The following IGFBP7 variants were observed in gnomAD, a reference collection of about 807,000 sequenced individuals.
The protein encoded by IGFBP7 is insulin like growth factor binding protein 7, also known as insulin-like growth factor-binding protein 7.
In IGFBP7, 31 loss-of-function variants were observed where a neutral mutation model predicts 29.4. The observed-to-expected ratio is 1.05, with a 90% CI of 0.79 to 1.42. The LOEUF is 1.42. Among genes scored for constraint, IGFBP7 ranks in the 40% most tolerant of loss-of-function variants. The probability of loss-of-function intolerance (pLI) is 0.00; values close to 1 mark genes in which losing one functional copy is unlikely to be tolerated. For synonymous variants in IGFBP7, 172 were observed against 174.9 expected, an observed-to-expected ratio of 0.98 and a Z score of 0.13; for missense variants, 393 against 395.5, an observed-to-expected ratio of 0.99 and a Z score of 0.05.
At chr4:57,060,260 C>T (rs1413340406) in intron 1 of IGFBP7, among the ~76,000 whole-genome samples, 1 of 152,156 alleles carries the variant, frequency 6.6e-6, no homozygotes, top group African/African-American at 2.4e-5. Context: ...TGCAGACAGA[C>T]TGGGAAAGGA....
In IGFBP7 at chr4:57,031,272, T is replaced by C; in HGVS notation, c.*45A>G. 1 of 1,525,240 alleles carries C rather than the reference T, an allele frequency of 6.6e-7. No individual in the cohort carries two copies. Among genetic ancestry groups the C allele is most frequent in the Non-Finnish European group, 9.1e-7 (1 of 1,100,946 alleles). The allele number at this position is 1,525,240 out of a possible 1,614,324, so 94.5% of individuals were successfully genotyped here. On this transcript the variant is annotated 3_prime_UTR_variant, in exon 5 of 5. Coordinates refer to ENST00000295666, the MANE Select transcript of IGFBP7 (RefSeq NM_001553.3). The stretch of plus-strand genomic sequence containing the variant: ...TAGGCAAGAACAGGTAATGTAGTTA[T>C]CCATGACTACTTTTAACCATGCAGA...
Position 57,033,392 on chromosome 4 carries a change from A to G in IGFBP7, c.586-81T>C, listed in dbSNP as rs972876879. The G allele has an allele frequency of 6.7e-5, 59 of 881,932 alleles. 1 individual carries two copies. The Middle Eastern group carries it at 9.0e-4, about 13-fold the overall frequency. The allele number at this position is 881,932 out of a possible 1,614,324, so 54.6% of individuals were successfully genotyped here. On this transcript the variant is annotated intron_variant, in intron 2 of 4. Coordinates refer to ENST00000295666, the MANE Select transcript of IGFBP7 (RefSeq NM_001553.3). ...GAAGTGGCCACATCCCTACAATTGC[A>G]CATAGTGTATGTCAGACTTTCTAAC...
At chr4:57,070,815 C>T (rs1290094304) in intron 1 of IGFBP7, among the ~76,000 whole-genome samples, 1 of 152,228 alleles carries the variant, frequency 6.6e-6, no homozygotes, top group South Asian at 2.1e-4. Context: ...ATGTTCAGTG[C>T]ATTTTTCTAC....
intron 1 of IGFBP7, among the ~76,000 whole-genome samples, chr4:57,080,299 A>G (rs1725334840): frequency 6.6e-6 from 1 of 152,228 alleles, no homozygotes; most frequent in African/African-American, 2.4e-5. Flanking sequence ...TTAAAATGAG[A>G]TAATTTCTCT....
At chr4:57,039,057 C>A (rs1724154782) in intron 2 of IGFBP7, among the ~76,000 whole-genome samples, 1 of 92,280 alleles carries the variant, frequency 1.1e-5, no homozygotes, top group Non-Finnish European at 1.9e-5. Flanking sequence ...AAGAGTGAAA[C>A]TATGTCTCAA....
chr4:57,054,628 G>A (rs1218711596), intron 1 of IGFBP7, among the ~76,000 whole-genome samples: 1 of 113,274 alleles, frequency 8.8e-6, no homozygotes, highest in Non-Finnish European at 1.7e-5. Flanking sequence ...ACAGAGCGAG[G>A]CTCTCTCTCA....
At chr4:57,075,308 G>A (rs1230557557) in intron 1 of IGFBP7, among the ~76,000 whole-genome samples, 1 of 152,160 alleles carries the variant, frequency 6.6e-6, no homozygotes, top group Non-Finnish European at 1.5e-5. Context: ...GGACTCAGGA[G>A]ATCCCATAGA....
intron 1 of IGFBP7, among the ~76,000 whole-genome samples, chr4:57,103,230 T>C (rs534117084): frequency 6.6e-6 from 1 of 152,232 alleles, no homozygotes; most frequent in South Asian, 2.1e-4. Context: ...TCTCACCCCC[T>C]TCCAATCCAT....
intron 1 of IGFBP7, among the ~76,000 whole-genome samples, chr4:57,087,007 C>G (rs1241056462): frequency 6.6e-6 from 1 of 152,096 alleles, no homozygotes; most frequent in Non-Finnish European, 1.5e-5. Flanking sequence ...GTGCTGGGAC[C>G]ACAGGCGTGA....
chr4:57,072,102 A>G (rs1221787563), intron 1 of IGFBP7, among the ~76,000 whole-genome samples: 1 of 152,016 alleles, frequency 6.6e-6, no homozygotes, highest in African/African-American at 2.4e-5. Context: ...CCCAGGTATT[A>G]AGCTCAGTAC....
chr4:57,077,330 T>C (rs1725253247), intron 1 of IGFBP7, among the ~76,000 whole-genome samples: 1 of 152,160 alleles, frequency 6.6e-6, no homozygotes, highest in Non-Finnish European at 1.5e-5. Context: ...CAGGCTGGGA[T>C]GTAGTGATGT....
chr4:57,033,331 G>A lies in IGFBP7; in HGVS notation c.586-20C>T. The stretch of plus-strand genomic sequence containing the variant: ...TTTTACCTGCAAAAACAAAAGGAGA[G>A]TAATACTGAGTTTTGTACACCAGAT... On this transcript the variant is annotated intron_variant, in intron 2 of 4. Coordinates refer to ENST00000295666, the MANE Select transcript of IGFBP7 (RefSeq NM_001553.3). The A allele has an allele frequency of 6.7e-7, 1 of 1,497,108 alleles. No individual in the cohort carries two copies. The highest frequency in any genetic ancestry group is 9.3e-7 in the Non-Finnish European group (1 of 1,073,082). The allele number at this position is 1,497,108 out of a possible 1,614,324, so 92.7% of individuals were successfully genotyped here.
At chr4:57,072,986 C>A in intron 1 of IGFBP7, 2 of 877,872 alleles carry the variant, frequency 2.3e-6, no homozygotes, top group South Asian at 1.3e-5. Flanking sequence ...CAGGACCATC[C>A]TGCTCTCCAT....
chr4:57,084,788 G>GTTTTT lies in IGFBP7; in HGVS notation c.475+25084_475+25088dup, dbSNP rs57704332. Among the ~76,000 whole-genome samples, 362 of 112,928 alleles carry GTTTTT rather than the reference G, an allele frequency of 3.2e-3. 13 individuals are homozygous for GTTTTT. Among genetic ancestry groups the GTTTTT allele is most frequent in the Non-Finnish European group, 4.6e-3 (267 of 57,940 alleles). 74.1% of individuals were successfully genotyped at this position (112,928 alleles called of 152,430 possible). On this transcript the variant is annotated intron_variant, in intron 1 of 4. Coordinates refer to ENST00000295666, the MANE Select transcript of IGFBP7 (RefSeq NM_001553.3). ...CTTTTTACTCAGATGTTTAAAAAAG[G>GTTTTT]TTTTTTTTTTTTTTTTTTTTGGGAC...
chr4:57,079,847 T>G (rs1396844052), intron 1 of IGFBP7, among the ~76,000 whole-genome samples: 1 of 152,228 alleles, frequency 6.6e-6, no homozygotes, highest in Non-Finnish European at 1.5e-5. Context: ...TTACTGAGTT[T>G]ACTGTATGCC....
chr4:57,039,466 GA>G (rs1358387533), intron 2 of IGFBP7, among the ~76,000 whole-genome samples: 1 of 152,084 alleles, frequency 6.6e-6, no homozygotes, highest in Admixed American at 6.5e-5. Context: ...CGACAGGGGG[GA>G]TGGGGGAATG....
chr4:57,069,530 G>A (rs1252122544), intron 1 of IGFBP7, among the ~76,000 whole-genome samples: 3 of 152,164 alleles, frequency 2.0e-5, no homozygotes, highest in Non-Finnish European at 4.4e-5. Context: ...CTTCTGTGGT[G>A]GCACCTGCCT....
Position 57,031,165 on chromosome 4 carries a change from T to G in IGFBP7, c.*152A>C. The G allele has an allele frequency of 2.6e-6, 2 of 763,218 alleles. No individual in the cohort carries two copies. Among genetic ancestry groups the G allele is most frequent in the South Asian group, 3.2e-5 (2 of 62,096 alleles). The allele number at this position is 763,218 out of a possible 1,614,324, so 47.3% of individuals were successfully genotyped here. On this transcript the variant is annotated 3_prime_UTR_variant, in exon 5 of 5. Transcript: ENST00000295666. Reference sequence around the variant, plus strand: ...TAAATTTTTGTAGATAGTCTTGATGTGTGATCTTTATTTTGTATTTCTCTG... The same window carrying G: ...TAAATTTTTGTAGATAGTCTTGATGGGTGATCTTTATTTTGTATTTCTCTG...
At position 57,090,652 on chromosome 4, in the gene IGFBP7, TG is replaced by T. The variant is rs1162739351; in HGVS notation, c.475+19224del. Among the ~76,000 whole-genome samples the T allele has an allele frequency of 4.5e-4, 68 of 152,058 alleles. 1 individual carries two copies. Among genetic ancestry groups the T allele is most frequent in the Admixed American group, 4.5e-3 (68 of 15,244 alleles). ...AGGAGTTAGAGACCAGCCTGGCCTA[TG>T]TGGTGAAACCCCGTCTCTACTAAAA... On this transcript the variant is annotated intron_variant, in intron 1 of 4. Coordinates refer to ENST00000295666, the MANE Select transcript of IGFBP7 (RefSeq NM_001553.3).
Sources: allele counts gnomAD v4.1 joint callset (sites outside exome capture counted in the v4.1 genomes callset), GRCh38; gene constraint gnomAD v4.1.1; transcripts MANE v1.5; gene names NCBI Gene and HGNC (gene_info 2026-07-23, HGNC 2026-07-21).